GRM1: variants seen among roughly 807,000 people sequenced by gnomAD.
GRM1 encodes glutamate metabotropic receptor 1.
GRM1 carries 33 observed loss-of-function variants against 90.9 expected under a neutral mutation model. That is an observed-to-expected ratio of 0.36 (90% CI 0.28 to 0.49). GRM1 has a LOEUF of 0.49. Ranked by LOEUF, GRM1 falls within the 20% of genes least tolerant of loss-of-function variation. The probability of loss-of-function intolerance (pLI) is 0.99; values close to 1 mark genes in which losing one functional copy is unlikely to be tolerated. For synonymous variants in GRM1, 700 were observed against 613.2 expected (o/e 1.14, Z -2.09); for missense variants, 1,190 against 1,534.3 (o/e 0.78, Z 3.75).
intron 1 of GRM1, among the ~76,000 whole-genome samples, chr6:146,081,448 T>C (rs553507173): frequency 6.6e-6 from 1 of 152,162 alleles, no homozygotes; most frequent in South Asian, 2.1e-4. Context: ...CCTCTTCACA[T>C]CTGAAAAGAG....
intron 2 of GRM1, among the ~76,000 whole-genome samples, chr6:146,208,738 A>C (rs1422628535): frequency 1.3e-5 from 2 of 152,176 alleles, no homozygotes; most frequent in African/African-American, 4.8e-5. Context: ...CCCTAGAAGA[A>C]AGATAAATTA....
At chr6:146,339,402 A>G (rs1246105745) in intron 3 of GRM1, among the ~76,000 whole-genome samples, 6 of 152,196 alleles carry the variant, frequency 3.9e-5, no homozygotes, top group South Asian at 2.1e-4. Context: ...CATTTTTTCC[A>G]TTTATACACA....
chr6:146,034,663 A>T (rs966898989), intron 1 of GRM1, among the ~76,000 whole-genome samples: 2 of 151,954 alleles, frequency 1.3e-5, no homozygotes, highest in Non-Finnish European at 2.9e-5. Flanking sequence ...TAAAACCTGA[A>T]TAAGATAAGG....
At chr6:146,184,943 T>C (rs1404188175) in intron 2 of GRM1, among the ~76,000 whole-genome samples, 1 of 152,224 alleles carries the variant, frequency 6.6e-6, no homozygotes, top group Non-Finnish European at 1.5e-5. Flanking sequence ...GGAAATGAAA[T>C]AGTACCATGT....
At chr6:146,255,419 C>T (rs1215584245) in intron 2 of GRM1, among the ~76,000 whole-genome samples, 1 of 152,118 alleles carries the variant, frequency 6.6e-6, no homozygotes, top group Non-Finnish European at 1.5e-5. Flanking sequence ...TAATGATCCC[C>T]TATCCCATTT....
chr6:146,363,623 A>C (rs999716856), intron 5 of GRM1, among the ~76,000 whole-genome samples: 1 of 152,214 alleles, frequency 6.6e-6, no homozygotes, highest in Admixed American at 6.6e-5. Flanking sequence ...GTATATTATT[A>C]ATATATTTCT....
chr6:146,297,814 G>A (rs1183464006), intron 2 of GRM1, among the ~76,000 whole-genome samples: 1 of 152,198 alleles, frequency 6.6e-6, no homozygotes, highest in Non-Finnish European at 1.5e-5. Flanking sequence ...CAAGGGAGCA[G>A]CCCTGGAAAA....
intron 5 of GRM1, 48 bp from the exon 6 acceptor site, chr6:146,386,842 T>C (rs1776525155): frequency 6.7e-7 from 1 of 1,498,872 alleles, no homozygotes; most frequent in Non-Finnish European, 9.3e-7. Flanking sequence ...AAATAGAAGC[T>C]TTTCTGGGAA....
intron 7 of GRM1, among the ~76,000 whole-genome samples, chr6:146,414,397 T>TATTATTATTATTATTATG (rs1777689640): frequency 1.3e-5 from 2 of 149,810 alleles, no homozygotes; most frequent in African/African-American, 4.9e-5. Flanking sequence ...TTATTATTAT[T>TATTATTATTATTATTATG]ATTATTATTT....
intron 3 of GRM1, among the ~76,000 whole-genome samples, chr6:146,330,190 T>C (rs1784539655): frequency 6.6e-6 from 1 of 152,184 alleles, no homozygotes; most frequent in Admixed American, 6.5e-5. Context: ...TTAATTCCGC[T>C]GGCTGGGAGG....
chr6:146,433,789 C>A, intron 7 of GRM1, 83 bp from the exon 8 acceptor site: 1 of 979,974 alleles, frequency 1.0e-6, no homozygotes, highest in Non-Finnish European at 1.6e-6. Flanking sequence ...TCACACTGAG[C>A]TAGGTTTGCA....
intron 2 of GRM1, among the ~76,000 whole-genome samples, chr6:146,297,691 T>G (rs1203630164): frequency 6.6e-6 from 1 of 152,146 alleles, no homozygotes; most frequent in Non-Finnish European, 1.5e-5. Flanking sequence ...TGGATTCACG[T>G]TTGAAAAGTC....
Position 146,082,988 on chromosome 6 carries a change from C to G in GRM1, c.700+52771C>G, listed in dbSNP as rs571917519. On this transcript the variant is annotated intron_variant, in intron 1 of 7. Coordinates refer to ENST00000282753, the MANE Select transcript of GRM1 (RefSeq NM_001278064.2). ...GCTGTATTCCTAGGTCTTTTATTCT[C>G]TTTGTAGCAATTGTGAATGGGAGTC... 5.9e-5 allele frequency among the ~76,000 whole-genome samples: 9 copies of G among 152,244 alleles called. No homozygotes were observed. The East Asian group carries it at 1.7e-3, about 29-fold the overall frequency.
chr6:146,183,388 C>T (rs1007064976), intron 2 of GRM1, among the ~76,000 whole-genome samples: 8 of 152,072 alleles, frequency 5.3e-5, no homozygotes, highest in African/African-American at 1.9e-4. Flanking sequence ...TATTATTTAA[C>T]AATAGGAGAA....
intron 2 of GRM1, among the ~76,000 whole-genome samples, chr6:146,218,173 T>C (rs917468692): frequency 6.6e-6 from 1 of 152,134 alleles, no homozygotes; most frequent in African/African-American, 2.4e-5. Context: ...GTCACTGTGC[T>C]GGTGAGAGGA....
At chr6:146,275,763 T>C (rs777506405) in intron 2 of GRM1, among the ~76,000 whole-genome samples, 10 of 152,200 alleles carry the variant, frequency 6.6e-5, no homozygotes, top group Non-Finnish European at 1.2e-4. Context: ...CGCCATCTAA[T>C]ATTGTCAGTG....
chr6:146,362,836 A>C (rs185403718), intron 5 of GRM1, among the ~76,000 whole-genome samples: 1 of 152,014 alleles, frequency 6.6e-6, no homozygotes, highest in Non-Finnish European at 1.5e-5. Context: ...TATATGACTG[A>C]TTTTTTCATG....
At chr6:146,207,311 T>C (rs1324215423) in intron 2 of GRM1, among the ~76,000 whole-genome samples, 1 of 152,144 alleles carries the variant, frequency 6.6e-6, no homozygotes, top group Non-Finnish European at 1.5e-5. Flanking sequence ...CAACTCATTG[T>C]GGTTTTGATT....
At chr6:146,384,699 G>T (rs891966390) in intron 5 of GRM1, among the ~76,000 whole-genome samples, 1 of 151,930 alleles carries the variant, frequency 6.6e-6, no homozygotes, top group Non-Finnish European at 1.5e-5. Context: ...AAATTACATT[G>T]ATGTTAAAAT....
Sources: gnomAD v4.1 joint callset for allele counts (sites outside exome capture counted in the v4.1 genomes callset) on GRCh38, gnomAD v4.1.1 for gene constraint, MANE v1.5 for transcripts, NCBI Gene and HGNC (gene_info 2026-07-23, HGNC 2026-07-21) for gene names.